DDI2: variants seen among roughly 807,000 people sequenced by gnomAD.
DDI2 encodes the protein protein DDI1 homolog 2.
Under a neutral mutation model 48.1 loss-of-function variants are expected in DDI2, and 5 were observed. The ratio of observed to expected loss-of-function variants is 0.10; its 90% CI spans 0.05 to 0.22. The LOEUF (loss-of-function observed/expected upper bound fraction) is 0.22, where lower values mean the gene tolerates loss of function less well. DDI2 is among the 10% of genes least tolerant of loss of function. DDI2 has a pLI of 1.00. For missense variants in DDI2, 285 were observed against 506.2 expected (o/e 0.56, Z 4.19); for synonymous variants, 205 against 183.6 (o/e 1.12, Z -0.94).
Position 15,668,262 on chromosome 1 carries a change from C to T in DDI2, c.*8472C>T, listed in dbSNP as rs1364720822. 6.6e-6 allele frequency: 1 copy of T among 152,154 alleles called. No individual in the cohort carries two copies. Among genetic ancestry groups the T allele is most frequent in the Non-Finnish European group, 1.5e-5 (1 of 68,066 alleles). The allele number at this position is 152,154 out of a possible 1,614,324, so 9.4% of individuals were successfully genotyped here. ...AGGCAGGCTGATTCGTTTCCTGATT[C>T]CTTCTGTCTGAGATTACCTGATGCT... On this transcript the variant is annotated 3_prime_UTR_variant, in exon 10 of 10. Coordinates refer to ENST00000480945, the MANE Select transcript of DDI2 (RefSeq NM_032341.5).
chr1:15,645,231 C>T (rs1449816743), intron 6 of DDI2, among the ~76,000 whole-genome samples: 1 of 152,286 alleles, frequency 6.6e-6, no homozygotes, highest in Middle Eastern at 3.4e-3. Flanking sequence ...TTCCCTTTGA[C>T]CTCAGTGTTT....
intron 6 of DDI2, among the ~76,000 whole-genome samples, chr1:15,648,292 A>T (rs929922495): frequency 6.6e-6 from 1 of 152,238 alleles, no homozygotes; most frequent in African/African-American, 2.4e-5. Context: ...CTCTGTGGCC[A>T]TCCTTGTGGA....
chr1:15,636,717 C>G lies in DDI2; in HGVS notation c.633-1590C>G, dbSNP rs144072145. ...TCAAGTGATCCGCCTGCCTTGGCCT[C>G]CCAAAGTGCTGGGATTATAGGCATG... On this transcript the variant is annotated intron_variant, in intron 4 of 9. Coordinates refer to ENST00000480945, the MANE Select transcript of DDI2 (RefSeq NM_032341.5). Among the ~76,000 whole-genome samples the G allele has an allele frequency of 8.1e-3, 1,231 of 152,308 alleles. 15 individuals are homozygous for G. Among genetic ancestry groups the G allele is most frequent in the African/African-American group, 0.027 (1,121 of 41,566 alleles).
rs151194912 is a variant in DDI2, at chr1:15,659,884, A to G, written c.*94A>G. On this transcript the variant is annotated 3_prime_UTR_variant, in exon 10 of 10. Transcript: ENST00000480945. ...CTCACTGGGAATGTCATCATTACCA[A>G]CTTCAGATGGGTTTAACCATCCCGC... The G allele has an allele frequency of 1.5e-5, 23 of 1,580,474 alleles. No homozygotes were observed. Among genetic ancestry groups the G allele is most frequent in the South Asian group, 3.5e-5 (3 of 85,242 alleles).
chr1:15,659,947 A>T lies in DDI2; in HGVS notation c.*157A>T. ...ACAGAGTCCTGATGTTGGTAATCCT[A>T]TGAGTCTTGCTCGCTCTGTCTCTGC... On this transcript the variant is annotated 3_prime_UTR_variant, in exon 10 of 10. Coordinates refer to ENST00000480945, the MANE Select transcript of DDI2 (RefSeq NM_032341.5). The T allele has an allele frequency of 6.2e-7, 1 of 1,613,960 alleles. No individual in the cohort carries two copies. The highest frequency in any genetic ancestry group is 8.5e-7 in the Non-Finnish European group (1 of 1,179,946).
At position 15,651,700 on chromosome 1, in the gene DDI2, T is replaced by A; in HGVS notation, c.994-6T>A. 1 of 1,593,412 alleles carries A rather than the reference T, an allele frequency of 6.3e-7. No individual in the cohort carries two copies. Among genetic ancestry groups the A allele is most frequent in the Non-Finnish European group, 8.5e-7 (1 of 1,172,182 alleles). ...TGCTATTATTCTTTGGTTTCTTTCTTCCAAGTGTTCCATCGACCTGAAGAA... is the reference window on the plus strand; with the variant it reads ...TGCTATTATTCTTTGGTTTCTTTCTACCAAGTGTTCCATCGACCTGAAGAA... On this transcript the variant is annotated splice_polypyrimidine_tract_variant and splice_region_variant and intron_variant, in intron 7 of 9. Coordinates refer to ENST00000480945, the MANE Select transcript of DDI2 (RefSeq NM_032341.5).
chr1:15,618,722 CACTA>C (rs2103457892), intron 1 of DDI2, among the ~76,000 whole-genome samples: 1 of 152,300 alleles, frequency 6.6e-6, no homozygotes, highest in East Asian at 1.9e-4. Context: ...GAATCGGTGA[CACTA>C]ACGCTGTAAA....
intron 5 of DDI2, among the ~76,000 whole-genome samples, chr1:15,640,512 A>G (rs1208307603): frequency 6.6e-6 from 1 of 152,174 alleles, no homozygotes; most frequent in Admixed American, 6.5e-5. Flanking sequence ...ACCACTGTGC[A>G]AAAATCAGGT....
chr1:15,626,734 T>C lies in DDI2; in HGVS notation c.204T>C (p.Asp68=). 3 of 1,614,152 alleles carry C rather than the reference T, an allele frequency of 1.9e-6. No individual in the cohort carries two copies. Among genetic ancestry groups the C allele is most frequent in the South Asian group, 1.1e-5 (1 of 91,076 alleles). Reference sequence around the variant, plus strand: ...CATTGGCTTCTTATGGCTTGAAAGATGGGGACGTTGTGATTTTACGACAGA... The same window carrying C: ...CATTGGCTTCTTATGGCTTGAAAGACGGGGACGTTGTGATTTTACGACAGA... ...HRSLASYGLK[D]GDVVILRQKE... Residue 68 remains aspartate, a synonymous_variant, in exon 2 of 10, where the codon GAT becomes GAC. Coordinates refer to ENST00000480945, the MANE Select transcript of DDI2 (RefSeq NM_032341.5).
In DDI2 at chr1:15,660,528, G is replaced by T; in HGVS notation, c.*738G>T. On this transcript the variant is annotated 3_prime_UTR_variant, in exon 10 of 10. Transcript: ENST00000480945. ...TGGAAGCTACGATGAAAGGAAATGG[G>T]CTCCCACAGAATGTGGATCCTCCAA... 1 of 1,613,244 alleles carries T rather than the reference G, an allele frequency of 6.2e-7. No homozygotes were observed. Among genetic ancestry groups the T allele is most frequent in the South Asian group, 1.1e-5 (1 of 90,790 alleles).
At chr1:15,652,444 T>C (rs1281307815) in intron 8 of DDI2, among the ~76,000 whole-genome samples, 1 of 6,808 alleles carries the variant, frequency 1.5e-4, no homozygotes, top group Non-Finnish European at 3.4e-4. Flanking sequence ...TTTGGGAGGC[T>C]CCGGAGGGGG....
In DDI2 at chr1:15,617,655, G is replaced by C. The variant is rs746054311; in HGVS notation, c.-16G>C. 7.0e-7 allele frequency: 1 copy of C among 1,420,460 alleles called. No individual in the cohort carries two copies. The highest frequency in any genetic ancestry group is 2.5e-5 in the Admixed American group (1 of 40,220). 88.0% of individuals were successfully genotyped at this position (1,420,460 alleles called of 1,614,324 possible). On this transcript the variant is annotated 5_prime_UTR_variant, in exon 1 of 10. Transcript: ENST00000480945. ...AGGCCGGGCCGAGCCGAGCCGAGCC[G>C]GGTCGGGCCCGGGCCATGCTGCTCA...
At chr1:15,637,788 A>G (rs951873637) in intron 4 of DDI2, among the ~76,000 whole-genome samples, 7 of 152,170 alleles carry the variant, frequency 4.6e-5, no homozygotes, top group African/African-American at 1.2e-4. Flanking sequence ...ACTGTATACT[A>G]GATGCTTTGT....
Position 15,661,696 on chromosome 1 carries a change from G to A in DDI2, c.*1906G>A, listed in dbSNP as rs148969593. ...AGACCTTGCACTTCTTGTTTTGCTCGCAAAAAACATCGTAGTTCCTACATG... is the reference window on the plus strand; with the variant it reads ...AGACCTTGCACTTCTTGTTTTGCTCACAAAAAACATCGTAGTTCCTACATG... On this transcript the variant is annotated 3_prime_UTR_variant, in exon 10 of 10. Transcript: ENST00000480945. The A allele has an allele frequency of 1.2e-5, 20 of 1,608,530 alleles. No individual in the cohort carries two copies. Among genetic ancestry groups the A allele is most frequent in the South Asian group, 2.2e-5 (2 of 90,340 alleles).
chr1:15,627,256 T>TG (rs1375190369), intron 2 of DDI2, among the ~76,000 whole-genome samples: 1 of 152,158 alleles, frequency 6.6e-6, no homozygotes, highest in South Asian at 2.1e-4. Context: ...AACTTGGTTG[T>TG]GGGGGGATTT....
At chr1:15,639,892 C>T (rs1639980799) in intron 5 of DDI2, among the ~76,000 whole-genome samples, 2 of 152,016 alleles carry the variant, frequency 1.3e-5, no homozygotes. Context: ...CCTATAGTCC[C>T]AGCTACGGGG....
chr1:15,630,233 T>C, intron 2 of DDI2, 92 bp from the exon 3 acceptor site: 7 of 1,151,068 alleles, frequency 6.1e-6, no homozygotes, highest in African/African-American at 1.5e-5. Flanking sequence ...GCTGCTGTCA[T>C]ATACCATGTA....
At chr1:15,656,902 G>A (rs1048828716) in intron 9 of DDI2, 3 of 490,550 alleles carry the variant, frequency 6.1e-6, no homozygotes, top group Non-Finnish European at 1.0e-5. Context: ...CATCCAACAG[G>A]GAGAAAATCC....
intron 5 of DDI2, among the ~76,000 whole-genome samples, chr1:15,642,052 G>A (rs1280417504): frequency 6.6e-6 from 1 of 151,924 alleles, no homozygotes; most frequent in African/African-American, 2.4e-5. Flanking sequence ...AAGACTAGGA[G>A]AAGAGTCAAA....
Sources: gnomAD v4.1 joint callset for allele counts (sites outside exome capture counted in the v4.1 genomes callset) on GRCh38, gnomAD v4.1.1 for gene constraint, MANE v1.5 for transcripts, NCBI Gene and HGNC (gene_info 2026-07-23, HGNC 2026-07-21) for gene names.